The following C4BPA variants were observed in gnomAD, a reference collection of about 807,000 sequenced individuals.
The protein encoded by C4BPA is complement component 4 binding protein alpha, also known as C4b-binding protein alpha chain.
C4BPA carries 31 observed loss-of-function variants against 63.7 expected under a neutral mutation model. The observed-to-expected ratio is 0.49, with a 90% CI of 0.37 to 0.66. The LOEUF is 0.66. Among genes scored for constraint, C4BPA ranks in the 30% least tolerant of loss-of-function variants. C4BPA has a pLI of 0.00. For missense variants in C4BPA, 572 were observed against 723.3 expected (o/e 0.79, Z 2.40); for synonymous variants, 259 against 254.7 (o/e 1.02, Z -0.16).
At chr1:207,117,816 G>A (rs1684835516) in intron 4 of C4BPA, among the ~76,000 whole-genome samples, 1 of 152,132 alleles carries the variant, frequency 6.6e-6, no homozygotes, top group South Asian at 2.1e-4. Flanking sequence ...CCTGCCTTCA[G>A]GAAGAAAAGG....
At chr1:207,142,123 T>G (rs1487916358) in intron 10 of C4BPA, among the ~76,000 whole-genome samples, 1 of 132,814 alleles carries the variant, frequency 7.5e-6, no homozygotes, top group Non-Finnish European at 1.6e-5. Context: ...CCTGTGTCCA[T>G]GTGTTCTCAT....
intron 6 of C4BPA, among the ~76,000 whole-genome samples, chr1:207,126,287 AAT>A (rs914329988): frequency 5.8e-4 from 86 of 147,952 alleles, no homozygotes; most frequent in African/African-American, 2.1e-3. Flanking sequence ...CAAATATAAA[AAT>A]ATATAATATA....
At chr1:207,108,361 A>AG (rs34101855) in intron 1 of C4BPA, among the ~76,000 whole-genome samples, 45,885 of 152,050 alleles carry the variant, frequency 0.3, 11,643 homozygotes, top group African/African-American at 0.7. Flanking sequence ...TGAGGTTAAA[A>AG]TTACTGTCAT....
intron 9 of C4BPA, among the ~76,000 whole-genome samples, chr1:207,140,547 T>C (rs1405515893): frequency 6.6e-6 from 1 of 151,982 alleles, no homozygotes; most frequent in Non-Finnish European, 1.5e-5. Context: ...GTGGACCTGA[T>C]AGTGTTCCCT....
chr1:207,113,253 C>A, intron 2 of C4BPA, 86 bp downstream of exon 2: 1 of 1,436,846 alleles, frequency 7.0e-7, no homozygotes, highest in Non-Finnish European at 9.5e-7. Context: ...AAAATGATGA[C>A]TGAGCTTCTA....
chr1:207,142,202 G>A (rs2102368177), intron 10 of C4BPA, among the ~76,000 whole-genome samples: 1 of 152,170 alleles, frequency 6.6e-6, no homozygotes, highest in Admixed American at 6.5e-5. Context: ...AGCTTGCTGA[G>A]AATGATGGTT....
chr1:207,115,426 C>T lies in C4BPA; in HGVS notation c.339C>T (p.Cys113=). 6.3e-7 allele frequency: 1 copy of T among 1,581,526 alleles called. No homozygotes were observed. The highest frequency in any genetic ancestry group is 8.6e-7 in the Non-Finnish European group (1 of 1,164,022). ...VYNTFCIYKR[C]RHPGELRNGQ... ...AAATTTTTCTCCCAGACAAACGATG[C>T]AGACACCCAGGAGAGTTACGTAATG... Residue 113 remains cysteine (C), a synonymous_variant, in exon 4 of 12, where the codon TGC becomes TGT. Transcript: ENST00000367070.
At chr1:207,138,057 G>C (rs1163248829) in intron 9 of C4BPA, among the ~76,000 whole-genome samples, 1 of 152,216 alleles carries the variant, frequency 6.6e-6, no homozygotes, top group Admixed American at 6.5e-5. Flanking sequence ...CCGAGAGGAA[G>C]GGTCCATTCA....
intron 10 of C4BPA, among the ~76,000 whole-genome samples, chr1:207,143,478 G>GTTT: frequency 6.6e-6 from 1 of 152,174 alleles, no homozygotes; most frequent in East Asian, 1.9e-4. Flanking sequence ...AGAACTTAAA[G>GTTT]TATAATAAAA....
chr1:207,109,218 T>A (rs954484047), intron 1 of C4BPA, among the ~76,000 whole-genome samples: 1 of 152,196 alleles, frequency 6.6e-6, no homozygotes, highest in African/African-American at 2.4e-5. Flanking sequence ...AGCCGGAAGT[T>A]CAGTGGATGC....
intron 10 of C4BPA, among the ~76,000 whole-genome samples, chr1:207,141,783 CAGG>C (rs959460433): frequency 1.3e-5 from 2 of 151,994 alleles, no homozygotes; most frequent in South Asian, 2.1e-4. Context: ...GTTGTGGGGA[CAGG>C]AGGAGTTGAG....
At chr1:207,113,200 C>T in intron 2 of C4BPA, 33 bp downstream of exon 2, 1 of 1,597,262 alleles carries the variant, frequency 6.3e-7, no homozygotes, top group Non-Finnish European at 8.5e-7. Flanking sequence ...AAATCAGCAA[C>T]AAACAATGAA....
intron 1 of C4BPA, among the ~76,000 whole-genome samples, chr1:207,105,668 G>A (rs1572770345): frequency 1.3e-5 from 2 of 152,014 alleles, no homozygotes; most frequent in East Asian, 3.8e-4. Context: ...CCAGGTATAA[G>A]GAAGAAGACA....
At chr1:207,138,037 A>T (rs1558097297) in intron 9 of C4BPA, among the ~76,000 whole-genome samples, 2 of 152,178 alleles carry the variant, frequency 1.3e-5, no homozygotes, top group Non-Finnish European at 2.9e-5. Context: ...TTAACTCTGG[A>T]ATGCCTTGGC....
chr1:207,131,694 G>A lies in C4BPA; in HGVS notation c.1038G>A (p.Val346=). The change falls in exon 8 of 12, where the codon GTG becomes GTA. Residue 346 remains valine, a synonymous_variant. Transcript: ENST00000367070. ...YKPTTDEPTT[V]ICQKNLRWTP... ...CCACTACAGATGAGCCTACGACTGTGATTTGTCAGAAAAATTTGAGATGGA... is the reference window on the plus strand; with the variant it reads ...CCACTACAGATGAGCCTACGACTGTAATTTGTCAGAAAAATTTGAGATGGA... The A allele has an allele frequency of 6.2e-7, 1 of 1,613,708 alleles. No individual in the cohort carries two copies. Among genetic ancestry groups the A allele is most frequent in the Non-Finnish European group, 8.5e-7 (1 of 1,179,856 alleles).
Position 207,134,431 on chromosome 1 carries a change from A to G in C4BPA, c.1112A>G (p.Asn371Ser). ...TTATGTTGCCCTGAACCAAAGCTAA[A>G]TAATGGTGAAATCACTCAACACAGG... Reference protein sequence around the residue: ...EALCCPEPKLNNGEITQHRKS... With the variant: ...EALCCPEPKLSNGEITQHRKS... The change falls in exon 9 of 12, where the codon AAT becomes AGT. Residue 371 changes from asparagine to serine, a missense_variant. By Grantham distance (46) the Asn-to-Ser change is conservative (BLOSUM62 1). This residue lies in a region of C4BPA where 465 missense variants were observed against 629.4 expected (regional missense o/e 0.74). Transcript: ENST00000367070. The G allele has an allele frequency of 6.2e-7, 1 of 1,613,800 alleles. No individual in the cohort carries two copies. The highest frequency in any genetic ancestry group is 8.5e-7 in the Non-Finnish European group (1 of 1,179,808).
chr1:207,116,919 A>G (rs999511098), intron 4 of C4BPA, among the ~76,000 whole-genome samples: 2 of 152,144 alleles, frequency 1.3e-5, no homozygotes, highest in African/African-American at 2.4e-5. Flanking sequence ...AAATTCATAT[A>G]CTTATCTAGG....
At position 207,124,335 on chromosome 1, in the gene C4BPA, T is replaced by C. The variant is rs1126618; in HGVS notation, c.675T>C (p.Gly225=). 1,364,496 of 1,612,826 alleles carry C rather than the reference T, an allele frequency of 0.85. 578,171 individuals carry two copies. Among genetic ancestry groups the C allele is most frequent in the African/African-American group, 0.9 (67,774 of 74,964 alleles). ...ISCTVENETI[G]VWRPSPPTCE... is the part of the protein sequence containing the mutation. ...GCACTGTGGAGAATGAAACAATAGGTGTTTGGAGACCAAGCCCTCCTACCT... is the reference window on the plus strand; with the variant it reads ...GCACTGTGGAGAATGAAACAATAGGCGTTTGGAGACCAAGCCCTCCTACCT... The change falls in exon 6 of 12, where the codon GGT becomes GGC. Residue 225 remains glycine, a synonymous_variant. Coordinates refer to ENST00000367070, the MANE Select transcript of C4BPA (RefSeq NM_000715.4).
At position 207,113,033 on chromosome 1, in the gene C4BPA, C is replaced by T. The variant is rs771987884; in HGVS notation, c.8C>T (p.Pro3Leu). The T allele has an allele frequency of 3.8e-6, 6 of 1,596,146 alleles. No homozygotes were observed. In the Admixed American group the frequency reaches 1.1e-4, roughly 29 times the overall value. The change falls in exon 2 of 12, where the codon CCC becomes CTC. Residue 3 changes from proline to leucine, a missense_variant. Transcript: ENST00000367070. Reference protein sequence around the residue: MHPPKTPSGALHR... With the variant: MHLPKTPSGALHR... ...TCAGCGAAGCAGCAGGCCATGCACC[C>T]CCCAAAAACTCCATCTGGGGCTCTT... is the stretch of plus-strand genomic sequence containing the variant.
Sources: gnomAD v4.1 joint callset for allele counts (sites outside exome capture counted in the v4.1 genomes callset) on GRCh38, gnomAD v4.1.1 for gene constraint, gnomAD v4.1.1 regional missense constraint, MANE v1.5 for transcripts, NCBI Gene and HGNC (gene_info 2026-07-23, HGNC 2026-07-21) for gene names.